The following PHACTR1 variants were observed in gnomAD, a reference collection of about 807,000 sequenced individuals.
PHACTR1 encodes RPEL repeat containing 1.
PHACTR1 carries 16 observed loss-of-function variants against 69.2 expected under a neutral mutation model. That is an observed-to-expected ratio of 0.23 (90% CI 0.16 to 0.35). PHACTR1 has a LOEUF of 0.35. Ranked by LOEUF, PHACTR1 falls within the 10% of genes least tolerant of loss-of-function variation. The pLI is 1.00. For synonymous variants in PHACTR1, 312 were observed against 284.5 expected (o/e 1.10, Z -0.97); for missense variants, 510 against 734.7 (o/e 0.69, Z 3.54).
chr6:12,974,686 T>C (rs1264151070), intron 4 of PHACTR1, among the ~76,000 whole-genome samples: 2 of 152,162 alleles, frequency 1.3e-5, no homozygotes, highest in African/African-American at 4.8e-5. Context: ...TCAGAACATT[T>C]GGTGGATACA....
chr6:12,949,100 A>G (rs1374810611), intron 4 of PHACTR1, among the ~76,000 whole-genome samples: 4 of 151,998 alleles, frequency 2.6e-5, no homozygotes, highest in African/African-American at 9.7e-5. Flanking sequence ...GAGAAAACCC[A>G]TATCTACTAA....
chr6:12,987,161 G>A (rs1044688063), intron 4 of PHACTR1, among the ~76,000 whole-genome samples: 1 of 152,138 alleles, frequency 6.6e-6, no homozygotes, highest in Admixed American at 6.5e-5. Flanking sequence ...GGTTTAGAAA[G>A]ATACAGAATA....
chr6:13,198,997 G>A (rs893008137), intron 7 of PHACTR1, among the ~76,000 whole-genome samples: 24 of 152,152 alleles, frequency 1.6e-4, no homozygotes, highest in Non-Finnish European at 8.8e-5. Context: ...AGATTCCTGG[G>A]CACCACTGTG....
At chr6:13,071,701 C>G (rs993587326) in intron 5 of PHACTR1, among the ~76,000 whole-genome samples, 1 of 152,210 alleles carries the variant, frequency 6.6e-6, no homozygotes, top group Non-Finnish European at 1.5e-5. Flanking sequence ...AAAATCTCTT[C>G]TATGGCATAG....
In PHACTR1 at chr6:13,206,935, T is replaced by G. The variant is rs550086211; in HGVS notation, c.986+799T>G. Among the ~76,000 whole-genome samples, 5 of 145,546 alleles carry G rather than the reference T, an allele frequency of 3.4e-5. No homozygotes were observed. In the South Asian group the frequency reaches 6.5e-4, roughly 19 times the overall value. On this transcript the variant is annotated intron_variant, in intron 8 of 14. Transcript: ENST00000332995. ...ATGGCCCCAGCTGGGAATCAGTTTGTTTTTTTTTTCTCATCAATGTTATGG... is the reference window on the plus strand; with the variant it reads ...ATGGCCCCAGCTGGGAATCAGTTTGGTTTTTTTTTCTCATCAATGTTATGG...
intron 4 of PHACTR1, among the ~76,000 whole-genome samples, chr6:12,766,207 T>C (rs1200903881): frequency 6.6e-6 from 1 of 152,220 alleles, no homozygotes; most frequent in Non-Finnish European, 1.5e-5. Flanking sequence ...TTCAACTCCA[T>C]GTCCTGAGAA....
chr6:13,284,731 G>A lies in PHACTR1; in HGVS notation c.1650+1169G>A, dbSNP rs537010880. ...GTTTTCTTATATGATACAGCAGGAA[G>A]TCATTTATGGCCCAGGCTGGCTACA... On this transcript the variant is annotated intron_variant, in intron 13 of 14. Coordinates refer to ENST00000332995, the MANE Select transcript of PHACTR1 (RefSeq NM_030948.6). 2.0e-5 allele frequency among the ~76,000 whole-genome samples: 3 copies of A among 151,938 alleles called. No homozygotes were observed. The South Asian group carries it at 6.3e-4, about 32-fold the overall frequency.
intron 4 of PHACTR1, among the ~76,000 whole-genome samples, chr6:12,770,711 G>A (rs1183273801): frequency 1.3e-5 from 2 of 152,198 alleles, no homozygotes; most frequent in Non-Finnish European, 2.9e-5. Context: ...CCATTGAGGA[G>A]CACCCATGAG....
chr6:12,718,953 G>A lies in PHACTR1; in HGVS notation c.103+106G>A, dbSNP rs568569894. On this transcript the variant is annotated intron_variant, in intron 3 of 14. Coordinates refer to ENST00000332995, the MANE Select transcript of PHACTR1 (RefSeq NM_030948.6). ...GCCTTGCTCTGAAAGTTTAATAACC[G>A]GTATTTCTAAGTTGATAACCTCTAC... is the stretch of plus-strand genomic sequence containing the variant. 2.8e-5 allele frequency: 16 copies of A among 567,058 alleles called. 1 individual carries two copies. Among genetic ancestry groups the A allele is most frequent in the South Asian group, 7.1e-5 (2 of 28,092 alleles). The allele number at this position is 567,058 out of a possible 1,614,324, so 35.1% of individuals were successfully genotyped here.
In PHACTR1 at chr6:12,727,276, A is replaced by C. The variant is rs147412174; in HGVS notation, c.103+8429A>C. On this transcript the variant is annotated intron_variant, in intron 3 of 14. Transcript: ENST00000332995. ...GAGAAAAAGTATCGTGGAGCTAGCC[A>C]ACCTGTCAACTCCAACAGATACATA... 2.0e-3 allele frequency among the ~76,000 whole-genome samples: 307 copies of C among 152,310 alleles called. 1 individual carries two copies. In the Middle Eastern group the frequency reaches 0.044, roughly 22 times the overall value.
chr6:13,140,592 A>T (rs1243097616), intron 5 of PHACTR1, among the ~76,000 whole-genome samples: 2 of 152,232 alleles, frequency 1.3e-5, no homozygotes, highest in African/African-American at 4.8e-5. Flanking sequence ...AGCCAAGCTC[A>T]TGGAGACAGG....
At chr6:13,224,274 C>A (rs1769198566) in intron 8 of PHACTR1, among the ~76,000 whole-genome samples, 1 of 152,206 alleles carries the variant, frequency 6.6e-6, no homozygotes, top group Non-Finnish European at 1.5e-5. Context: ...CTTGAGGACT[C>A]TCTCCCATAA....
chr6:12,800,803 A>G (rs376179616), intron 4 of PHACTR1, among the ~76,000 whole-genome samples: 8 of 152,046 alleles, frequency 5.3e-5, no homozygotes, highest in East Asian at 3.9e-4. Context: ...TCGGAGGATC[A>G]CCTGAGCCCT....
intron 11 of PHACTR1, chr6:13,274,506 TACTC>T (rs1235755430): frequency 1.3e-5 from 2 of 152,216 alleles, no homozygotes; most frequent in African/African-American, 4.8e-5. Flanking sequence ...CTGTACAACT[TACTC>T]ACAGCCCGCT....
Position 13,283,602 on chromosome 6 carries a change from G to A in PHACTR1, c.1650+40G>A, listed in dbSNP as rs771796074. On this transcript the variant is annotated intron_variant, in intron 13 of 14. Coordinates refer to ENST00000332995, the MANE Select transcript of PHACTR1 (RefSeq NM_030948.6). The surrounding 1 kb of genome is among the most constrained non-coding windows in gnomAD (Gnocchi z 4.7). Reference sequence around the variant, plus strand: ...GTGCTGGAGAGTGGGAGGCAGGACCGTCTGCTGGGTCTCGCTGGGCTCACC... The same window carrying A: ...GTGCTGGAGAGTGGGAGGCAGGACCATCTGCTGGGTCTCGCTGGGCTCACC... The A allele has an allele frequency of 1.7e-5, 28 of 1,612,992 alleles. No homozygotes were observed. Among genetic ancestry groups the A allele is most frequent in the Admixed American group, 1.0e-4 (6 of 59,996 alleles).
Position 13,232,675 on chromosome 6 carries a change from C to T in PHACTR1, c.1391+2482C>T, listed in dbSNP as rs567365129. ...CCCTCATCCCCCATAACATGGCATG[C>T]TGTAGCATACTTGAAGACAATGATC... On this transcript the variant is annotated intron_variant, in intron 10 of 14. Coordinates refer to ENST00000332995, the MANE Select transcript of PHACTR1 (RefSeq NM_030948.6). Among the ~76,000 whole-genome samples the T allele has an allele frequency of 4.6e-5, 7 of 152,198 alleles. No individual in the cohort carries two copies. The South Asian group carries it at 1.5e-3, about 32-fold the overall frequency.
At chr6:12,889,521 T>G (rs1783960514) in intron 4 of PHACTR1, among the ~76,000 whole-genome samples, 1 of 152,220 alleles carries the variant, frequency 6.6e-6, no homozygotes, top group South Asian at 2.1e-4. Flanking sequence ...TCTCTCAAAT[T>G]TCAGTGACAT....
chr6:13,178,622 C>CCATG (rs1409878643), intron 6 of PHACTR1, among the ~76,000 whole-genome samples: 1 of 152,230 alleles, frequency 6.6e-6, no homozygotes, highest in East Asian at 1.9e-4. Flanking sequence ...CTGTCTTAAC[C>CCATG]CATGTCTCAT....
At chr6:12,796,912 A>G (rs1167768752) in intron 4 of PHACTR1, among the ~76,000 whole-genome samples, 1 of 152,064 alleles carries the variant, frequency 6.6e-6, no homozygotes, top group East Asian at 1.9e-4. Context: ...GAAAATTAAG[A>G]CTCAGAAATG....
Sources: gnomAD v4.1 joint callset for allele counts (sites outside exome capture counted in the v4.1 genomes callset) on GRCh38, gnomAD v4.1.1 for gene constraint, Gnocchi (gnomAD v3.1) non-coding constraint, MANE v1.5 for transcripts, NCBI Gene and HGNC (gene_info 2026-07-23, HGNC 2026-07-21) for gene names.